Variants in BDKRB1 observed in about 807,000 individuals in gnomAD.
The protein encoded by BDKRB1 is B1 bradykinin receptor.
For synonymous variants in BDKRB1, 192 were observed against 189.1 expected, an observed-to-expected ratio of 1.02 and a Z score of -0.13; for missense variants, 414 against 441.4, an observed-to-expected ratio of 0.94 and a Z score of 0.56.
chr14:96,263,032 C>T (rs1238398852), intron 2 of BDKRB1, among the ~76,000 whole-genome samples: 1 of 152,114 alleles, frequency 6.6e-6, no homozygotes, highest in East Asian at 1.9e-4. Flanking sequence ...TTTGCTGTTC[C>T]CGGGCTTCCC....
At chr14:96,261,201 C>A (rs373590076) in intron 1 of BDKRB1, among the ~76,000 whole-genome samples, 12 of 152,228 alleles carry the variant, frequency 7.9e-5, no homozygotes, top group African/African-American at 2.9e-4. Context: ...TGCTACTCTC[C>A]CCAGCTGTCA....
chr14:96,262,316 T>C (rs1433851681), intron 1 of BDKRB1, among the ~76,000 whole-genome samples: 3 of 152,172 alleles, frequency 2.0e-5, no homozygotes, highest in Middle Eastern at 3.2e-3. Context: ...ATCAGGCTCT[T>C]GAATCAGACT....
At chr14:96,257,285 G>A (rs1422694219) in intron 1 of BDKRB1, among the ~76,000 whole-genome samples, 2 of 152,186 alleles carry the variant, frequency 1.3e-5, no homozygotes, top group Admixed American at 6.5e-5. Context: ...TGGCTTCCTG[G>A]GCAGGGTGCA....
Position 96,263,765 on chromosome 14 carries a change from A to G in BDKRB1, c.83A>G (p.Asn28Ser). The G allele has an allele frequency of 6.2e-7, 1 of 1,614,190 alleles. No homozygotes were observed. The highest frequency in any genetic ancestry group is 1.3e-5 in the African/African-American group (1 of 75,030). The change falls in exon 3 of 3, where the codon AAT becomes AGT. Residue 28 changes from asparagine (N) to serine (S), a missense_variant. Physicochemically the swap from Asn to Ser is conservative, Grantham distance 46. Transcript: ENST00000216629. ...LFPQNATACDNAPEAWDLLHR... is the reference protein window; with the variant it reads ...LFPQNATACDSAPEAWDLLHR... ...CCTCAAAATGCTACGGCCTGTGACA[A>G]TGCTCCAGAAGCCTGGGACCTGCTG...
At chr14:96,261,546 A>G (rs1228979413) in intron 1 of BDKRB1, among the ~76,000 whole-genome samples, 1 of 151,558 alleles carries the variant, frequency 6.6e-6, no homozygotes, top group East Asian at 1.9e-4. Context: ...CTGAGGTTAC[A>G]CAGCCAAATA....
At position 96,262,322 on chromosome 14, in the gene BDKRB1, A is replaced by C. The variant is rs1039466888; in HGVS notation, c.-129-330A>C. Among the ~76,000 whole-genome samples the C allele has an allele frequency of 3.3e-5, 5 of 152,320 alleles. 1 individual carries two copies. Among genetic ancestry groups the C allele is most frequent in the Non-Finnish European group, 7.4e-5 (5 of 68,018 alleles). ...AGGATCTCAATCAGGCTCTTGAATC[A>C]GACTGCCTGGGTTTGAATCCAGGCC... On this transcript the variant is annotated intron_variant, in intron 1 of 2. Transcript: ENST00000216629.
intron 1 of BDKRB1, among the ~76,000 whole-genome samples, 151 bp downstream of exon 1, chr14:96,256,451 A>C (rs570374482): frequency 6.6e-6 from 1 of 152,330 alleles, no homozygotes; most frequent in African/African-American, 2.4e-5. Context: ...AAATAATTCT[A>C]AATCAATTTA....
At position 96,264,689 on chromosome 14, in the gene BDKRB1, CTCCAATATCTTCA is replaced by C. The variant is rs749897476; in HGVS notation, c.1011_1023del (p.Ser339GlyfsTer?). On this transcript the variant is annotated frameshift_variant, in exon 3 of 3. Coordinates refer to ENST00000216629, the MANE Select transcript of BDKRB1 (RefSeq NM_000710.4). LOFTEE classifies it low-confidence loss of function (END_TRUNC). The stretch of plus-strand genomic sequence containing the variant: ...AAACAATGCACCCCTAAAAGTCTTG[CTCCAATATCTTCA>C]TCCCATAGGAAAGAAATCTTCCAAC... 6.2e-7 allele frequency: 1 copy of C among 1,614,098 alleles called. No individual in the cohort carries two copies. The highest frequency in any genetic ancestry group is 2.2e-5 in the East Asian group (1 of 44,890).
intron 1 of BDKRB1, among the ~76,000 whole-genome samples, chr14:96,261,867 CA>C (rs1202789383): frequency 2.0e-5 from 3 of 152,216 alleles, no homozygotes; most frequent in Admixed American, 2.0e-4. Flanking sequence ...CCGGTTTTGC[CA>C]GCAGGAGGCC....
At chr14:96,257,809 T>G (rs559544283) in intron 1 of BDKRB1, among the ~76,000 whole-genome samples, 1 of 151,470 alleles carries the variant, frequency 6.6e-6, no homozygotes, top group African/African-American at 2.4e-5. Flanking sequence ...AGTCAAAAAT[T>G]ATTTCCCCCA....
intron 1 of BDKRB1, 46 bp from the exon 2 acceptor site, chr14:96,262,606 C>CTTTTTTTTTTTTT (rs34474132): frequency 0.011 from 3,429 of 309,488 alleles, 13 homozygotes; most frequent in South Asian, 0.016. Context: ...TCTCTCTCTC[C>CTTTTTTTTTTTTT]TTTTTTTTTT....
intron 1 of BDKRB1, among the ~76,000 whole-genome samples, chr14:96,261,451 A>G (rs1885746441): frequency 6.6e-6 from 1 of 152,232 alleles, no homozygotes; most frequent in African/African-American, 2.4e-5. Flanking sequence ...GACATGACAG[A>G]ATGTCAGAGC....
At position 96,264,147 on chromosome 14, in the gene BDKRB1, G is replaced by A; in HGVS notation, c.465G>A (p.Arg155=). 6.3e-7 allele frequency: 1 copy of A among 1,598,222 alleles called. No homozygotes were observed. Among genetic ancestry groups the A allele is most frequent in the African/African-American group, 1.3e-5 (1 of 74,774 alleles). The change falls in exon 3 of 3, where the codon CGG becomes CGA. Residue 155 remains arginine (R), a synonymous_variant. Transcript: ENST00000216629. The part of the protein sequence containing the change: ...SRRQQRRRQA[R]VTCVLIWVVG... ...GGCAGCAGCGGCGGAGGCAGGCCCG[G>A]GTCACCTGCGTGCTCATCTGGGTTG... is the stretch of plus-strand genomic sequence containing the variant.
intron 1 of BDKRB1, chr14:96,259,787 G>A (rs933208581): frequency 6.6e-6 from 1 of 152,196 alleles, no homozygotes; most frequent in African/African-American, 2.4e-5. Flanking sequence ...AAGAGTCCGA[G>A]GATACTGGTG....
At chr14:96,256,898 G>A (rs895460076) in intron 1 of BDKRB1, among the ~76,000 whole-genome samples, 1 of 152,186 alleles carries the variant, frequency 6.6e-6, no homozygotes, top group African/African-American at 2.4e-5. Flanking sequence ...AAAATGTGCA[G>A]AATTCAGAAA....
chr14:96,263,665 C>A lies in BDKRB1; in HGVS notation c.-10-8C>A. 1.3e-6 allele frequency: 2 copies of A among 1,597,698 alleles called. No homozygotes were observed. The highest frequency in any genetic ancestry group is 2.3e-5 in the South Asian group (2 of 88,096). ...TTCCTGTTTTATTCTACCTTCTGTT[C>A]ATTTCAGGTCACTGTGCATGGCATC... On this transcript the variant is annotated splice_region_variant and splice_polypyrimidine_tract_variant and intron_variant, in intron 2 of 2. Transcript: ENST00000216629.
At chr14:96,259,345 A>T (rs1209578624) in intron 1 of BDKRB1, 8 of 152,338 alleles carry the variant, frequency 5.3e-5, no homozygotes, top group Admixed American at 1.3e-4. Context: ...CCAGTTTTTT[A>T]AAAAAATTCA....
chr14:96,257,870 AGAAG>A (rs930263839), intron 1 of BDKRB1, among the ~76,000 whole-genome samples: 2 of 149,148 alleles, frequency 1.3e-5, no homozygotes, highest in African/African-American at 4.9e-5. Context: ...AAGGAAGGAA[AGAAG>A]GAAGGGAAGG....
At chr14:96,261,281 A>G (rs1035881017) in intron 1 of BDKRB1, among the ~76,000 whole-genome samples, 1 of 152,236 alleles carries the variant, frequency 6.6e-6, no homozygotes, top group African/African-American at 2.4e-5. Context: ...TTATACGCAC[A>G]CTGAGAGCAG....
Sources: gnomAD v4.1 joint callset for allele counts (sites outside exome capture counted in the v4.1 genomes callset) on GRCh38, gnomAD v4.1.1 for gene constraint, MANE v1.5 for transcripts, NCBI Gene and HGNC (gene_info 2026-07-23, HGNC 2026-07-21) for gene names.